Variants in SCTR observed in about 807,000 individuals in gnomAD.
SCTR encodes the protein pancreatic secretin receptor.
Under a neutral mutation model 60.8 loss-of-function variants are expected in SCTR, and 56 were observed. The observed-to-expected ratio is 0.92, with a 90% CI of 0.74 to 1.15. SCTR has a LOEUF of 1.15. SCTR is among the 50% of genes most tolerant of loss of function. The pLI is 0.00. For missense variants in SCTR, 562 were observed against 550.4 expected (o/e 1.02, Z -0.21); for synonymous variants, 202 against 217.0 (o/e 0.93, Z 0.61).
chr2:119,458,537 C>T (rs1683469510), intron 7 of SCTR, among the ~76,000 whole-genome samples: 1 of 151,102 alleles, frequency 6.6e-6, no homozygotes, highest in African/African-American at 2.4e-5. Flanking sequence ...GGAGGCGGAG[C>T]TTGCAGTGAG....
At position 119,440,072 on chromosome 2, in the gene SCTR, G is replaced by A. The variant is rs1476431235; in HGVS notation, c.*45C>T. ...CCCACAGCAGTGCCCAGCCTTCGCA[G>A]GACCTCTCTTGGTCTCTGTCCGTGG... On this transcript the variant is annotated 3_prime_UTR_variant, in exon 13 of 13. Coordinates refer to ENST00000019103, the MANE Select transcript of SCTR (RefSeq NM_002980.3). 3 of 1,583,684 alleles carry A rather than the reference G, an allele frequency of 1.9e-6. No individual in the cohort carries two copies. Among genetic ancestry groups the A allele is most frequent in the Admixed American group, 3.4e-5 (2 of 58,618 alleles).
At chr2:119,470,682 A>G (rs1167534752) in intron 4 of SCTR, among the ~76,000 whole-genome samples, 1 of 152,160 alleles carries the variant, frequency 6.6e-6, no homozygotes, top group Non-Finnish European at 1.5e-5. Flanking sequence ...AGTGTAAACC[A>G]ACAGTTCTCA....
At chr2:119,478,993 G>C in intron 2 of SCTR, 75 bp from the exon 3 acceptor site, 1 of 1,586,640 alleles carries the variant, frequency 6.3e-7, no homozygotes, top group Non-Finnish European at 8.6e-7. Context: ...CCACATCACC[G>C]ACACCCTTGC....
chr2:119,494,291 C>A, intron 2 of SCTR, 137 bp downstream of exon 2: 1 of 945,918 alleles, frequency 1.1e-6, no homozygotes, highest in African/African-American at 1.6e-5. Context: ...CCCTGCCCCA[C>A]CAGCTGATTG....
intron 7 of SCTR, among the ~76,000 whole-genome samples, chr2:119,458,913 G>A (rs936166974): frequency 2.0e-5 from 3 of 152,180 alleles, no homozygotes; most frequent in Non-Finnish European, 4.4e-5. Context: ...AGTGCCAGCC[G>A]CTCACTCTCA....
intron 1 of SCTR, among the ~76,000 whole-genome samples, chr2:119,509,797 G>A (rs1265311387): frequency 1.3e-5 from 2 of 151,914 alleles, no homozygotes; most frequent in African/African-American, 4.8e-5. Flanking sequence ...TCATCATTTA[G>A]CAATAACTCC....
intron 4 of SCTR, among the ~76,000 whole-genome samples, chr2:119,472,419 A>G (rs1677062486): frequency 6.6e-6 from 1 of 152,238 alleles, no homozygotes; most frequent in Non-Finnish European, 1.5e-5. Context: ...CACAGTGTGC[A>G]TGAGATTTGA....
chr2:119,483,201 G>A (rs80169232), intron 2 of SCTR, among the ~76,000 whole-genome samples: 3,739 of 152,306 alleles, frequency 0.025, 155 homozygotes, highest in African/African-American at 0.084. Flanking sequence ...GGATGCCTGG[G>A]GACAGGCCAT....
intron 1 of SCTR, among the ~76,000 whole-genome samples, chr2:119,494,866 C>G (rs1205835875): frequency 2.6e-4 from 40 of 152,230 alleles, no homozygotes; most frequent in Non-Finnish European, 2.9e-5. Context: ...GTGGGACTTA[C>G]TTTATGCTAC....
chr2:119,458,791 C>T (rs1363836163), intron 7 of SCTR, among the ~76,000 whole-genome samples: 7 of 152,142 alleles, frequency 4.6e-5, no homozygotes, highest in East Asian at 1.9e-4. Flanking sequence ...CCTGGGAACA[C>T]GTCAGAAATG....
At chr2:119,440,366 G>C in intron 12 of SCTR, 109 bp from the exon 13 acceptor site, 1 of 1,298,582 alleles carries the variant, frequency 7.7e-7, no homozygotes, top group Non-Finnish European at 1.1e-6. Flanking sequence ...CTGCCCAGCT[G>C]CCCTGTCCCC....
intron 7 of SCTR, 136 bp downstream of exon 7, chr2:119,461,711 C>CA (rs539293803): frequency 0.033 from 9,661 of 293,286 alleles, 7 homozygotes; most frequent in Middle Eastern, 0.039. Flanking sequence ...AACTCCAACT[C>CA]AAAAAAAAAA....
At chr2:119,487,839 A>T (rs1288966971) in intron 2 of SCTR, among the ~76,000 whole-genome samples, 1 of 152,084 alleles carries the variant, frequency 6.6e-6, no homozygotes, top group Non-Finnish European at 1.5e-5. Context: ...TGGCGTTCAA[A>T]CATTAACCTC....
At chr2:119,449,764 G>C (rs1278968314) in intron 9 of SCTR, among the ~76,000 whole-genome samples, 2 of 152,130 alleles carry the variant, frequency 1.3e-5, no homozygotes, top group African/African-American at 4.8e-5. Context: ...AGGATTAGTG[G>C]CTGTCTAGGA....
intron 6 of SCTR, among the ~76,000 whole-genome samples, chr2:119,463,546 G>A (rs191253126): frequency 4.6e-5 from 7 of 152,238 alleles, no homozygotes; most frequent in Admixed American, 2.0e-4. Flanking sequence ...GACTGCTTAC[G>A]TAGGAAACAG....
chr2:119,472,699 C>T (rs370389800), intron 4 of SCTR, among the ~76,000 whole-genome samples: 7 of 152,098 alleles, frequency 4.6e-5, no homozygotes, highest in East Asian at 1.9e-4. Flanking sequence ...TAGAGTGCAG[C>T]GACACAATCA....
intron 8 of SCTR, 146 bp from the exon 9 acceptor site, chr2:119,452,225 TTAGAACACCC>T: frequency 1.7e-6 from 1 of 592,404 alleles, no homozygotes; most frequent in Non-Finnish European, 3.1e-6. Context: ...CCCAGCACCA[TTAGAACACCC>T]CCTCCTGCCA....
chr2:119,471,460 A>G (rs943522488), intron 4 of SCTR, among the ~76,000 whole-genome samples: 3 of 152,106 alleles, frequency 2.0e-5, no homozygotes, highest in Middle Eastern at 3.2e-3. Flanking sequence ...TATGTTCCCA[A>G]TGGGATGACA....
chr2:119,517,094 A>G (rs1043837438), intron 1 of SCTR, among the ~76,000 whole-genome samples: 4 of 152,142 alleles, frequency 2.6e-5, no homozygotes, highest in African/African-American at 4.8e-5. Flanking sequence ...GAAGAAACAT[A>G]TGTTAATTTG....
Sources: allele counts gnomAD v4.1 joint callset (sites outside exome capture counted in the v4.1 genomes callset), GRCh38; gene constraint gnomAD v4.1.1; transcripts MANE v1.5; gene names NCBI Gene and HGNC (gene_info 2026-07-23, HGNC 2026-07-21).